PDE3A: variants seen among roughly 807,000 people sequenced by gnomAD.
The protein encoded by PDE3A is phosphodiesterase 3A.
A neutral mutation model predicts 98.3 loss-of-function variants in PDE3A; 43 were observed. The ratio of observed to expected loss-of-function variants is 0.44; its 90% confidence interval spans 0.34 to 0.56. The LOEUF is 0.56. Among genes scored for constraint, PDE3A ranks in the 20% least tolerant of loss-of-function variants. PDE3A has a pLI of 0.01. For synonymous variants in PDE3A, 663 were observed against 567.9 expected, an observed-to-expected ratio of 1.17 and a Z score of -2.38; for missense variants, 1,427 against 1,440.7, an observed-to-expected ratio of 0.99 and a Z score of 0.15.
intron 15 of PDE3A, among the ~76,000 whole-genome samples, chr12:20,656,274 C>A (rs1045962334): frequency 6.6e-6 from 1 of 152,166 alleles, no homozygotes; most frequent in Non-Finnish European, 1.5e-5. Context: ...TTCATTCCAA[C>A]CATCTTGTAA....
Position 20,646,738 on chromosome 12 carries a change from TTTCTC to T in PDE3A, c.2366-7_2366-3del, listed in dbSNP as rs1224541831. ...TTTTAAAAACTTCTTTGACTCTCAT[TTTCTC>T]TTCTCAGATTCTGACAGTGGATTTA... On this transcript the variant is annotated splice_region_variant and splice_polypyrimidine_tract_variant and intron_variant, in intron 11 of 15. Transcript: ENST00000359062. 1 of 1,580,234 alleles carries T rather than the reference TTTCTC, an allele frequency of 6.3e-7. No homozygotes were observed. The highest frequency in any genetic ancestry group is 8.7e-7 in the Non-Finnish European group (1 of 1,149,754).
At chr12:20,563,549 C>T (rs1304091401) in intron 2 of PDE3A, among the ~76,000 whole-genome samples, 1 of 152,094 alleles carries the variant, frequency 6.6e-6, no homozygotes, top group African/African-American at 2.4e-5. Flanking sequence ...TGCATTTCTT[C>T]CTCCTTTTTC....
At chr12:20,668,572 C>G (rs1156934442) in intron 15 of PDE3A, among the ~76,000 whole-genome samples, 3 of 151,154 alleles carry the variant, frequency 2.0e-5, no homozygotes, top group Admixed American at 2.0e-4. Flanking sequence ...CTGGGAGGCA[C>G]CCCCCAGTAG....
chr12:20,662,039 G>A (rs974448578), intron 15 of PDE3A, among the ~76,000 whole-genome samples: 1 of 152,140 alleles, frequency 6.6e-6, no homozygotes. Flanking sequence ...AAAGCCACAG[G>A]GGCAGAGCTG....
intron 2 of PDE3A, among the ~76,000 whole-genome samples, chr12:20,569,070 A>G (rs1419342965): frequency 1.3e-5 from 2 of 152,116 alleles, no homozygotes; most frequent in Non-Finnish European, 2.9e-5. Context: ...GTGTTGTCAT[A>G]AGCATGCCTT....
intron 1 of PDE3A, among the ~76,000 whole-genome samples, chr12:20,464,192 A>G (rs541600416): frequency 6.6e-6 from 1 of 152,248 alleles, no homozygotes; most frequent in African/African-American, 2.4e-5. Flanking sequence ...AAATGATGGG[A>G]AATGTTATTG....
intron 1 of PDE3A, among the ~76,000 whole-genome samples, chr12:20,505,823 T>C (rs1439580871): frequency 6.6e-6 from 1 of 152,006 alleles, no homozygotes; most frequent in African/African-American, 2.4e-5. Context: ...AGAAGGCTTT[T>C]TGCAAGAAAA....
At chr12:20,599,148 T>G (rs766963901) in intron 2 of PDE3A, among the ~76,000 whole-genome samples, 11 of 152,188 alleles carry the variant, frequency 7.2e-5, no homozygotes, top group Non-Finnish European at 1.5e-4. Context: ...AATGGACTTC[T>G]TTACCCATTC....
At chr12:20,467,093 T>C (rs895518351) in intron 1 of PDE3A, among the ~76,000 whole-genome samples, 2 of 152,142 alleles carry the variant, frequency 1.3e-5, no homozygotes, top group African/African-American at 4.8e-5. Context: ...ATTACTTATA[T>C]GTTAGTTTAA....
chr12:20,459,655 T>G (rs1458652358), intron 1 of PDE3A, among the ~76,000 whole-genome samples: 1 of 152,188 alleles, frequency 6.6e-6, no homozygotes, highest in Non-Finnish European at 1.5e-5. Flanking sequence ...ATTCAAAGGT[T>G]TCATAGCATT....
At chr12:20,627,077 T>G (rs915152182) in intron 5 of PDE3A, among the ~76,000 whole-genome samples, 6 of 150,678 alleles carry the variant, frequency 4.0e-5, no homozygotes, top group African/African-American at 9.8e-5. Flanking sequence ...ATAAATTGCC[T>G]TCAGAAAAAA....
rs1945852597 is a variant in PDE3A, at chr12:20,683,451, T to A, written c.*3180T>A. On this transcript the variant is annotated 3_prime_UTR_variant, in exon 16 of 16. Coordinates refer to ENST00000359062, the MANE Select transcript of PDE3A (RefSeq NM_000921.5). Reference sequence around the variant, plus strand: ...ACCATAAAATCAATGGTAGGAAAAGTTGGAACTGGTTACCTGGATGCCATG... The same window carrying A: ...ACCATAAAATCAATGGTAGGAAAAGATGGAACTGGTTACCTGGATGCCATG... The A allele has an allele frequency of 6.6e-6, 1 of 152,164 alleles. No homozygotes were observed. Among genetic ancestry groups the A allele is most frequent in the Non-Finnish European group, 1.5e-5 (1 of 68,026 alleles). 9.4% of individuals were successfully genotyped at this position (152,164 alleles called of 1,614,324 possible).
intron 15 of PDE3A, among the ~76,000 whole-genome samples, chr12:20,677,749 A>T (rs746828641): frequency 2.6e-4 from 39 of 152,138 alleles, no homozygotes; most frequent in Non-Finnish European, 4.9e-4. Flanking sequence ...GATTTATTAA[A>T]TTATCTTTTG....
Position 20,442,964 on chromosome 12 carries a change from CT to C in PDE3A, c.960+72728del, listed in dbSNP as rs559563541. Among the ~76,000 whole-genome samples, 8 of 151,370 alleles carry C rather than the reference CT, an allele frequency of 5.3e-5. No individual in the cohort carries two copies. In the South Asian group the frequency reaches 1.7e-3, roughly 32 times the overall value. The stretch of plus-strand genomic sequence containing the variant: ...GAAATATATCATGCTTTGAGGGATC[CT>C]TTTTTTTAATGGAGGTCATGATCAT... On this transcript the variant is annotated intron_variant, in intron 1 of 15. Coordinates refer to ENST00000359062, the MANE Select transcript of PDE3A (RefSeq NM_000921.5).
chr12:20,502,966 C>G (rs547569346), intron 1 of PDE3A, among the ~76,000 whole-genome samples: 4 of 152,126 alleles, frequency 2.6e-5, no homozygotes, highest in African/African-American at 9.6e-5. Flanking sequence ...AAGTCATTTT[C>G]TTCGACTATA....
At chr12:20,571,307 G>C (rs1942797416) in intron 2 of PDE3A, among the ~76,000 whole-genome samples, 1 of 152,058 alleles carries the variant, frequency 6.6e-6, no homozygotes, top group South Asian at 2.1e-4. Flanking sequence ...TGAAAGACAG[G>C]GAAACAGCAT....
At chr12:20,427,413 C>G (rs1011718212) in intron 1 of PDE3A, among the ~76,000 whole-genome samples, 10 of 152,132 alleles carry the variant, frequency 6.6e-5, no homozygotes, top group Admixed American at 6.6e-4. Flanking sequence ...ATAGTATGAC[C>G]TTGGAAACTG....
chr12:20,388,478 G>A (rs991156860), intron 1 of PDE3A, among the ~76,000 whole-genome samples: 6 of 151,894 alleles, frequency 4.0e-5, no homozygotes, highest in African/African-American at 1.2e-4. Context: ...TGTTTTAGAC[G>A]TGGCAACAAA....
chr12:20,385,944 GTAT>G (rs1487346635), intron 1 of PDE3A, among the ~76,000 whole-genome samples: 8 of 120,812 alleles, frequency 6.6e-5, no homozygotes, highest in East Asian at 2.3e-4. Context: ...ATAATACAAA[GTAT>G]TATATTAATT....
Sources: allele counts gnomAD v4.1 joint callset (sites outside exome capture counted in the v4.1 genomes callset), GRCh38; gene constraint gnomAD v4.1.1; transcripts MANE v1.5; gene names NCBI Gene and HGNC (gene_info 2026-07-23, HGNC 2026-07-21).